The following RORA variants were observed in gnomAD, a reference collection of about 807,000 sequenced individuals.
The protein encoded by RORA is nuclear receptor ROR-alpha.
RORA carries 7 observed loss-of-function variants against 69.5 expected under a neutral mutation model. The observed-to-expected ratio is 0.10, with a 90% CI of 0.06 to 0.19. The LOEUF is 0.19. Ranked by LOEUF, RORA falls within the 10% of genes least tolerant of loss-of-function variation. The pLI, the probability that RORA is intolerant of heterozygous loss-of-function variation, is 1.00. For missense variants in RORA, 457 were observed against 663.0 expected, an observed-to-expected ratio of 0.69 and a Z score of 3.41; for synonymous variants, 261 against 240.8, an observed-to-expected ratio of 1.08 and a Z score of -0.78.
chr15:60,865,628 C>T (rs2073478880), intron 1 of RORA, among the ~76,000 whole-genome samples: 1 of 152,156 alleles, frequency 6.6e-6, no homozygotes, highest in South Asian at 2.1e-4. Flanking sequence ...AGGAATAAAT[C>T]AAATCAGTTA....
chr15:60,910,855 A>T, intron 1 of RORA, among the ~76,000 whole-genome samples: 1 of 148,974 alleles, frequency 6.7e-6, no homozygotes. Flanking sequence ...GACATAAATC[A>T]TCTTTATGAG....
chr15:60,648,810 G>A (rs537488524), intron 2 of RORA, among the ~76,000 whole-genome samples: 2 of 152,290 alleles, frequency 1.3e-5, no homozygotes, highest in Admixed American at 6.5e-5. Context: ...CTCTTTTTGA[G>A]GGGGGAGAGG....
chr15:61,082,195 A>G (rs1298806241), intron 1 of RORA, among the ~76,000 whole-genome samples: 1 of 152,154 alleles, frequency 6.6e-6, no homozygotes, highest in Non-Finnish European at 1.5e-5. Flanking sequence ...GCAGATCAAA[A>G]ATACGGTATT....
chr15:61,140,761 G>A (rs1350189344), intron 1 of RORA, among the ~76,000 whole-genome samples: 1 of 152,108 alleles, frequency 6.6e-6, no homozygotes, highest in Non-Finnish European at 1.5e-5. Flanking sequence ...AGGGTTTAAC[G>A]CTGGTACTCT....
intron 2 of RORA, among the ~76,000 whole-genome samples, chr15:60,583,590 A>C (rs2068251524): frequency 6.6e-6 from 1 of 152,190 alleles, no homozygotes; most frequent in Admixed American, 6.5e-5. Context: ...GAAAAGTCTC[A>C]CAGCAGCCTC....
chr15:60,741,259 C>T (rs1279764156), intron 1 of RORA, among the ~76,000 whole-genome samples: 1 of 152,204 alleles, frequency 6.6e-6, no homozygotes, highest in African/African-American at 2.4e-5. Flanking sequence ...TCCTAAGGAA[C>T]AGTGGCTCTT....
intron 1 of RORA, among the ~76,000 whole-genome samples, chr15:60,682,947 G>A (rs756431452): frequency 6.6e-6 from 1 of 152,218 alleles, no homozygotes; most frequent in Non-Finnish European, 1.5e-5. Flanking sequence ...CACGGTGGAT[G>A]ACTTGGGCAA....
Position 60,611,249 on chromosome 15 carries a change from A to G in RORA, c.196+67408T>C, listed in dbSNP as rs530975890. Among the ~76,000 whole-genome samples, 36 of 152,210 alleles carry G rather than the reference A, an allele frequency of 2.4e-4. 1 individual carries two copies. Among genetic ancestry groups the G allele is most frequent in the South Asian group, 4.2e-4 (2 of 4,816 alleles). On this transcript the variant is annotated intron_variant, in intron 2 of 10. Transcript: ENST00000335670. Reference sequence around the variant, plus strand: ...TCTCTCAGACCTCAGAAGATCTCCAAGGGAATCTCCATAGCAGGAGTGGCT... The same window carrying G: ...TCTCTCAGACCTCAGAAGATCTCCAGGGGAATCTCCATAGCAGGAGTGGCT...
intron 1 of RORA, among the ~76,000 whole-genome samples, chr15:60,895,558 C>G (rs567516358): frequency 7.3e-6 from 1 of 137,636 alleles, no homozygotes; most frequent in Non-Finnish European, 1.6e-5. Context: ...CCTCCACCCC[C>G]CTCTCAGAAT....
chr15:60,508,692 C>T (rs755200155), intron 5 of RORA, among the ~76,000 whole-genome samples: 2 of 152,132 alleles, frequency 1.3e-5, no homozygotes, highest in African/African-American at 4.8e-5. Context: ...AACTACAGCT[C>T]GCAGATGTTA....
rs558874620 is a variant in RORA, at chr15:60,826,530, G to A, written c.167-147844C>T. 9.9e-5 allele frequency among the ~76,000 whole-genome samples: 15 copies of A among 152,262 alleles called. No homozygotes were observed. In the East Asian group the frequency reaches 1.5e-3, roughly 16 times the overall value. On this transcript the variant is annotated intron_variant, in intron 1 of 10. Transcript: ENST00000335670. The stretch of plus-strand genomic sequence containing the variant: ...GCTGAGTCCTGCACCAGTTCTAGGC[G>A]CTACACTTTTTTTAAGCACTTGATT...
At chr15:61,038,845 T>C (rs998755585) in intron 1 of RORA, 1 of 152,254 alleles carries the variant, frequency 6.6e-6, no homozygotes, top group Non-Finnish European at 1.5e-5. Context: ...TTCAAGTATC[T>C]GCCCAAAGCT....
chr15:60,947,981 TA>T (rs1444431142), intron 1 of RORA, among the ~76,000 whole-genome samples: 2 of 152,130 alleles, frequency 1.3e-5, no homozygotes, highest in Non-Finnish European at 2.9e-5. Context: ...TGGGCATCTA[TA>T]GGGGTGGATG....
At chr15:60,842,437 G>A (rs1471197790) in intron 1 of RORA, among the ~76,000 whole-genome samples, 1 of 151,962 alleles carries the variant, frequency 6.6e-6, no homozygotes, top group Non-Finnish European at 1.5e-5. Context: ...ATGATTTATG[G>A]GCCACTTAGT....
rs1452394787 is a variant in RORA, at chr15:60,502,752, C to G, written c.1183+8G>C. On this transcript the variant is annotated splice_region_variant and intron_variant, in intron 8 of 10. Coordinates refer to ENST00000335670, the MANE Select transcript of RORA (RefSeq NM_134261.3). The stretch of plus-strand genomic sequence containing the variant: ...ATTTGAAGAAAAGGCACCTTGATAT[C>G]CCCTTACCTAAGGATTTGAAGACGT... 6.4e-7 allele frequency: 1 copy of G among 1,556,566 alleles called. No homozygotes were observed. The highest frequency in any genetic ancestry group is 1.7e-5 in the Admixed American group (1 of 59,916).
intron 1 of RORA, among the ~76,000 whole-genome samples, chr15:60,996,323 C>A (rs1159987453): frequency 6.6e-6 from 1 of 152,112 alleles, no homozygotes; most frequent in Non-Finnish European, 1.5e-5. Flanking sequence ...CTGCCTGCCT[C>A]GGCCTCCCAA....
chr15:61,197,949 T>G (rs1420249569), intron 1 of RORA, among the ~76,000 whole-genome samples: 2 of 152,148 alleles, frequency 1.3e-5, no homozygotes, highest in Non-Finnish European at 2.9e-5. Flanking sequence ...CTGCTTGTTT[T>G]GTGTGGTATC....
chr15:61,023,469 C>G (rs1051472966), intron 1 of RORA, among the ~76,000 whole-genome samples: 3 of 152,062 alleles, frequency 2.0e-5, no homozygotes, highest in African/African-American at 4.8e-5. Flanking sequence ...GGGAAACCAC[C>G]CCCATGATTC....
chr15:60,985,712 G>C (rs1335762531), intron 1 of RORA, among the ~76,000 whole-genome samples: 1 of 150,322 alleles, frequency 6.7e-6, no homozygotes, highest in Non-Finnish European at 1.5e-5. Flanking sequence ...AGCCTCCTGA[G>C]TAGCTGAGAC....
Sources: gnomAD v4.1 joint callset for allele counts (sites outside exome capture counted in the v4.1 genomes callset) on GRCh38, gnomAD v4.1.1 for gene constraint, MANE v1.5 for transcripts, NCBI Gene and HGNC (gene_info 2026-07-23, HGNC 2026-07-21) for gene names.